RNGTT: variants seen among roughly 807,000 people sequenced by gnomAD.
RNGTT encodes the protein RNA guanylyltransferase and 5'-phosphatase.
Under a neutral mutation model 79.3 loss-of-function variants are expected in RNGTT, and 33 were observed. That is an observed-to-expected ratio of 0.42 (90% CI 0.32 to 0.56). The LOEUF (loss-of-function observed/expected upper bound fraction) is 0.56. Among genes scored for constraint, RNGTT ranks in the 20% least tolerant of loss-of-function variants. The pLI is 0.17. For missense variants in RNGTT, 497 were observed against 739.1 expected (o/e 0.67, Z 3.80); for synonymous variants, 222 against 235.9 (o/e 0.94, Z 0.54).
chr6:88,863,019 G>A (rs1782062066), intron 8 of RNGTT, among the ~76,000 whole-genome samples: 1 of 152,162 alleles, frequency 6.6e-6, no homozygotes, highest in South Asian at 2.1e-4. Flanking sequence ...TGAAACAGAT[G>A]TGACTGATTA....
At chr6:88,843,627 C>T (rs983169541) in intron 11 of RNGTT, among the ~76,000 whole-genome samples, 35 of 132,610 alleles carry the variant, frequency 2.6e-4, no homozygotes, top group Admixed American at 2.3e-3. Flanking sequence ...GGCGCAATCT[C>T]GGCTCACTGC....
At chr6:88,716,247 C>T (rs1463263442) in intron 13 of RNGTT, among the ~76,000 whole-genome samples, 2 of 151,854 alleles carry the variant, frequency 1.3e-5, no homozygotes, top group African/African-American at 2.4e-5. Flanking sequence ...CAGAGAAATG[C>T]AAATCAAAAC....
chr6:88,836,173 T>C (rs1044090034), intron 11 of RNGTT, among the ~76,000 whole-genome samples: 19 of 150,790 alleles, frequency 1.3e-4, no homozygotes, highest in African/African-American at 4.6e-4. Flanking sequence ...GAATTCTCTT[T>C]AGTATGCATT....
chr6:88,733,386 GA>G (rs1562223701), intron 13 of RNGTT, among the ~76,000 whole-genome samples: 1 of 92,954 alleles, frequency 1.1e-5, no homozygotes, highest in Admixed American at 1.3e-4. Flanking sequence ...CCAAAAAAAA[GA>G]AAAAAGAAAT....
At chr6:88,647,772 C>T (rs896174970) in intron 14 of RNGTT, among the ~76,000 whole-genome samples, 31 of 147,692 alleles carry the variant, frequency 2.1e-4, no homozygotes, top group Non-Finnish European at 2.4e-4. Flanking sequence ...GGGGAGGGAA[C>T]GAAAAACATG....
chr6:88,834,654 G>A (rs1318101940), intron 11 of RNGTT, among the ~76,000 whole-genome samples: 1 of 152,038 alleles, frequency 6.6e-6, no homozygotes, highest in Admixed American at 6.6e-5. Flanking sequence ...CAAAGGTTCT[G>A]TTTCTTTTAC....
At chr6:88,838,780 T>C (rs1490411617) in intron 11 of RNGTT, among the ~76,000 whole-genome samples, 1 of 151,928 alleles carries the variant, frequency 6.6e-6, no homozygotes, top group Non-Finnish European at 1.5e-5. Flanking sequence ...CACATGAAAA[T>C]GCAAAGGCCT....
intron 12 of RNGTT, among the ~76,000 whole-genome samples, chr6:88,771,513 T>G (rs1397052998): frequency 6.6e-6 from 1 of 151,780 alleles, no homozygotes. Flanking sequence ...TTCAAAACAC[T>G]TTTAGCTAAT....
intron 14 of RNGTT, among the ~76,000 whole-genome samples, chr6:88,643,545 A>T (rs986311604): frequency 6.6e-6 from 1 of 152,212 alleles, no homozygotes; most frequent in Non-Finnish European, 1.5e-5. Flanking sequence ...TCAACAGAAT[A>T]TACATTCTTC....
At chr6:88,788,660 A>G (rs1452028941) in intron 12 of RNGTT, among the ~76,000 whole-genome samples, 1 of 152,162 alleles carries the variant, frequency 6.6e-6, no homozygotes, top group Non-Finnish European at 1.5e-5. Context: ...CTAGTAACCT[A>G]TCCCTCCATG....
At chr6:88,890,343 AG>A in intron 8 of RNGTT, 151 bp downstream of exon 8, 1 of 593,960 alleles carries the variant, frequency 1.7e-6, no homozygotes, top group South Asian at 2.3e-5. Context: ...TTAGAACACT[AG>A]CAAAACCAAA....
intron 14 of RNGTT, among the ~76,000 whole-genome samples, chr6:88,636,723 T>A (rs78451642): frequency 8.0e-5 from 12 of 150,620 alleles, no homozygotes; most frequent in Non-Finnish European, 1.6e-4. Context: ...TTTTTTTTTT[T>A]AAGACAAAGA....
intron 12 of RNGTT, among the ~76,000 whole-genome samples, chr6:88,771,315 GTA>G (rs539282627): frequency 0.049 from 3,008 of 61,934 alleles, 45 homozygotes; most frequent in Non-Finnish European, 0.056. Context: ...GTGTGTGTGT[GTA>G]TATATATATA....
intron 11 of RNGTT, among the ~76,000 whole-genome samples, chr6:88,815,885 G>T (rs991003933): frequency 6.6e-6 from 1 of 152,158 alleles, no homozygotes; most frequent in Non-Finnish European, 1.5e-5. Flanking sequence ...GCCTAATAAA[G>T]TAACAGGAAA....
chr6:88,753,238 C>A (rs1453624486), intron 13 of RNGTT, among the ~76,000 whole-genome samples: 1 of 152,126 alleles, frequency 6.6e-6, no homozygotes, highest in Non-Finnish European at 1.5e-5. Context: ...TAAGGCCAGG[C>A]ACAGTGGCTC....
intron 13 of RNGTT, among the ~76,000 whole-genome samples, chr6:88,756,233 A>G (rs9451073): frequency 0.14 from 21,065 of 151,788 alleles, 1,594 homozygotes; most frequent in Middle Eastern, 0.24. Flanking sequence ...CCAGCACTTT[A>G]GGAGGCCGAG....
At chr6:88,671,488 T>C (rs944373256) in intron 14 of RNGTT, among the ~76,000 whole-genome samples, 3 of 152,198 alleles carry the variant, frequency 2.0e-5, no homozygotes, top group Non-Finnish European at 2.9e-5. Flanking sequence ...CCCATGATCA[T>C]GGATGAGTAG....
At chr6:88,734,677 C>A (rs1324809766) in intron 13 of RNGTT, among the ~76,000 whole-genome samples, 1 of 152,066 alleles carries the variant, frequency 6.6e-6, no homozygotes, top group Non-Finnish European at 1.5e-5. Flanking sequence ...ACAGATGGTT[C>A]CTGACTTAAC....
chr6:88,934,248 T>C (rs1439162840), intron 2 of RNGTT, among the ~76,000 whole-genome samples: 1 of 152,136 alleles, frequency 6.6e-6, no homozygotes, highest in African/African-American at 2.4e-5. Context: ...TCAAGGCTGG[T>C]CTCAAACTCC....
Sources: allele counts gnomAD v4.1 joint callset (sites outside exome capture counted in the v4.1 genomes callset), GRCh38; gene constraint gnomAD v4.1.1; transcripts MANE v1.5; gene names NCBI Gene and HGNC (gene_info 2026-07-23, HGNC 2026-07-21).